SAMD5: variants seen among roughly 807,000 people sequenced by gnomAD.
SAMD5 encodes the protein sterile alpha motif domain containing 5.
Under a neutral mutation model 11.3 loss-of-function variants are expected in SAMD5, and 13 were observed. That is an observed-to-expected ratio of 1.15 (90% CI 0.75 to 1.83). The LOEUF (loss-of-function observed/expected upper bound fraction) is 1.83. Among genes scored for constraint, SAMD5 ranks in the 40% most tolerant of loss-of-function variants. The probability of loss-of-function intolerance (pLI) is 0.00; values close to 1 mark genes in which losing one functional copy is unlikely to be tolerated. For synonymous variants in SAMD5, 129 were observed against 111.3 expected, an observed-to-expected ratio of 1.16 and a Z score of -1.00; for missense variants, 255 against 239.1, an observed-to-expected ratio of 1.07 and a Z score of -0.44.
chr6:147,550,671 A>G (rs1330826745), intron 1 of SAMD5, among the ~76,000 whole-genome samples: 2 of 149,896 alleles, frequency 1.3e-5, no homozygotes, highest in South Asian at 2.1e-4. Context: ...CAAAACCAGC[A>G]TGTTCTCACT....
chr6:147,798,586 G>C, the SAMD5 span, among the ~76,000 whole-genome samples: 6 of 151,918 alleles, frequency 3.9e-5, no homozygotes, highest in African/African-American at 1.5e-4. Context: ...TATTAGGTCC[G>C]CTTGGTGCAG....
chr6:147,881,498 C>G, the SAMD5 span, among the ~76,000 whole-genome samples: 2 of 152,188 alleles, frequency 1.3e-5, no homozygotes, highest in Admixed American at 1.3e-4. Context: ...TCCAAAATTG[C>G]TGCTTGCCTG....
At chr6:147,653,095 T>C (rs1384564892) in intron 1 of SAMD5, among the ~76,000 whole-genome samples, 3 of 152,194 alleles carry the variant, frequency 2.0e-5, no homozygotes, top group Non-Finnish European at 4.4e-5. Context: ...TGTTTGATTA[T>C]ATTGATTTGG....
Position 147,711,138 on chromosome 6 carries a change from G to A in SAMD5, c.163-26179G>A, listed in dbSNP as rs1791392091. 6.6e-6 allele frequency among the ~76,000 whole-genome samples: 1 copy of A among 152,092 alleles called. No individual in the cohort carries two copies. The highest frequency in any genetic ancestry group is 2.4e-5 in the African/African-American group (1 of 41,408). On this transcript the variant is annotated intron_variant, in intron 1 of 1. Transcript: ENST00000566741. The surrounding 1 kb of genome is among the most constrained non-coding windows in gnomAD (Gnocchi z 4.1). ...AGGGTGTTGTAGAGAGAAGGAATTGGTATTAATGGAGAACTTATTATTTAT... is the reference window on the plus strand; with the variant it reads ...AGGGTGTTGTAGAGAGAAGGAATTGATATTAATGGAGAACTTATTATTTAT...
At chr6:147,531,684 CAAAATCAACA>C (rs1178255088) in intron 1 of SAMD5, among the ~76,000 whole-genome samples, 9 of 152,012 alleles carry the variant, frequency 5.9e-5, no homozygotes, top group Admixed American at 5.9e-4. Flanking sequence ...AGAGCTTGGC[CAAAATCAACA>C]AAAAACATTC....
chr6:147,847,064 A>G, the SAMD5 span, among the ~76,000 whole-genome samples: 1 of 152,194 alleles, frequency 6.6e-6, no homozygotes, highest in Non-Finnish European at 1.5e-5. Flanking sequence ...TGCTAACCAC[A>G]TACAAACAAG....
chr6:147,838,536 C>A, the SAMD5 span, among the ~76,000 whole-genome samples: 1 of 143,822 alleles, frequency 7.0e-6, no homozygotes, highest in Non-Finnish European at 1.5e-5. Flanking sequence ...ATCCTGCCCC[C>A]CCCCCGTAGT....
intron 1 of SAMD5, among the ~76,000 whole-genome samples, chr6:147,691,131 A>G (rs934217630): frequency 3.9e-5 from 6 of 152,046 alleles, no homozygotes; most frequent in African/African-American, 1.4e-4. Flanking sequence ...AGTAGCTGGG[A>G]TTACAGGCAG....
At chr6:147,642,817 C>A (rs566826244) in intron 1 of SAMD5, among the ~76,000 whole-genome samples, 30 of 152,154 alleles carry the variant, frequency 2.0e-4, no homozygotes, top group Non-Finnish European at 3.8e-4. Context: ...TAAGACCTAC[C>A]TACTGCCTCT....
At chr6:147,832,331 A>G in the SAMD5 span, among the ~76,000 whole-genome samples, 1 of 152,160 alleles carries the variant, frequency 6.6e-6, no homozygotes, top group Non-Finnish European at 1.5e-5. Flanking sequence ...ATCTAAACTG[A>G]TATTTGTTTC....
intron 1 of SAMD5, among the ~76,000 whole-genome samples, chr6:147,543,324 T>A (rs1788635432): frequency 6.6e-6 from 1 of 152,234 alleles, no homozygotes; most frequent in Admixed American, 6.5e-5. Context: ...CAGAGCATTT[T>A]GTTAGATCTC....
intron 1 of SAMD5, among the ~76,000 whole-genome samples, chr6:147,708,517 A>T (rs924633550): frequency 6.6e-6 from 1 of 152,244 alleles, no homozygotes; most frequent in Non-Finnish European, 1.5e-5. Flanking sequence ...TGAAGAGCTT[A>T]TGGTGCATAA....
At chr6:147,552,714 C>A (rs1477795515) in intron 1 of SAMD5, among the ~76,000 whole-genome samples, 2 of 152,068 alleles carry the variant, frequency 1.3e-5, no homozygotes, top group African/African-American at 2.4e-5. Context: ...CATACATATG[C>A]CTGTGTGGGG....
rs1583092168 is a variant in SAMD5 at position 147,577,692 on chromosome 6, C to CA, written c.162+68311dup. On this transcript the variant is annotated intron_variant, in intron 1 of 1. Transcript: ENST00000566741. The stretch of plus-strand genomic sequence containing the variant: ...TTTGAAGGCATGAGGAGAGAGTTGG[C>CA]AAAAAAGTGATTTTTGAATGAAAAT... Among the ~76,000 whole-genome samples, 6 of 152,008 alleles carry CA rather than the reference C, an allele frequency of 3.9e-5. No homozygotes were observed. The East Asian group carries it at 1.2e-3, about 29-fold the overall frequency.
At chr6:147,878,577 C>CTCTATATAGATATATATACATATATA in the SAMD5 span, among the ~76,000 whole-genome samples, 16 of 143,520 alleles carry the variant, frequency 1.1e-4, no homozygotes, top group East Asian at 4.1e-4. Context: ...CTAGATATAT[C>CTCTATATAGATATATATACATATATA]TCTATATAGA....
At chr6:147,624,856 C>T (rs922445853) in intron 1 of SAMD5, among the ~76,000 whole-genome samples, 1 of 147,932 alleles carries the variant, frequency 6.8e-6, no homozygotes, top group South Asian at 2.2e-4. Context: ...CTACCTGTTT[C>T]CCAAAAACCT....
At chr6:147,695,011 C>T (rs1349482063) in intron 1 of SAMD5, among the ~76,000 whole-genome samples, 1 of 152,184 alleles carries the variant, frequency 6.6e-6, no homozygotes. Context: ...ATGAAAGTCT[C>T]ATACCCACTT....
chr6:147,540,775 GA>G lies in SAMD5; in HGVS notation c.460-23618del, dbSNP rs1263744305. ...TTTACTGTTTACCCAGACAGAGAGA[GA>G]GGGGGGGGGTCCAGAAACTTGGCTG... is the stretch of plus-strand genomic sequence containing the variant. On this transcript the variant is annotated intron_variant, in intron 1 of 1. Transcript: ENST00000367474. 1.5e-3 allele frequency among the ~76,000 whole-genome samples: 82 copies of G among 54,418 alleles called. 1 individual carries two copies. Among genetic ancestry groups the G allele is most frequent in the East Asian group, 6.1e-3 (1 of 164 alleles). 35.7% of individuals were successfully genotyped at this position (54,418 alleles called of 152,430 possible).
chr6:147,560,087 A>G (rs1371312534), intron 1 of SAMD5, among the ~76,000 whole-genome samples: 1 of 152,350 alleles, frequency 6.6e-6, no homozygotes, highest in South Asian at 2.1e-4. Flanking sequence ...TGTGAAAATT[A>G]TAGTAGGGAC....
Sources: gnomAD v4.1 joint callset for allele counts (sites outside exome capture counted in the v4.1 genomes callset) on GRCh38, gnomAD v4.1.1 for gene constraint, Gnocchi (gnomAD v3.1) non-coding constraint, MANE v1.5 for transcripts, NCBI Gene and HGNC (gene_info 2026-07-23, HGNC 2026-07-21) for gene names.